Variants in CAMK1G observed in about 807,000 individuals in gnomAD.
CAMK1G encodes the protein calcium/calmodulin dependent protein kinase IG.
In CAMK1G, 27 loss-of-function variants were observed where a neutral mutation model predicts 54.8. The ratio of observed to expected loss-of-function variants is 0.49; its 90% CI spans 0.36 to 0.68. The LOEUF (loss-of-function observed/expected upper bound fraction) is 0.68. CAMK1G is among the 30% of genes least tolerant of loss of function. The pLI, the probability that CAMK1G is intolerant of heterozygous loss-of-function variation, is 0.00. For synonymous variants in CAMK1G, 238 were observed against 224.9 expected (o/e 1.06, Z -0.52); for missense variants, 512 against 591.0 (o/e 0.87, Z 1.39).
At chr1:209,590,730 G>C (rs1221860241) in intron 1 of CAMK1G, among the ~76,000 whole-genome samples, 2 of 152,032 alleles carry the variant, frequency 1.3e-5, no homozygotes, top group African/African-American at 4.8e-5. Flanking sequence ...TCTGTGGAGA[G>C]GGGAGAGAGC....
chr1:209,595,207 G>A, intron 2 of CAMK1G, 132 bp downstream of exon 2: 1 of 653,686 alleles, frequency 1.5e-6, no homozygotes, highest in Admixed American at 2.8e-5. Flanking sequence ...TTATTTAAGG[G>A]ACTTAGGGAG....
intron 3 of CAMK1G, 60 bp from the exon 4 acceptor site, chr1:209,603,154 C>A: frequency 6.4e-7 from 1 of 1,564,692 alleles, no homozygotes; most frequent in Non-Finnish European, 8.8e-7. Context: ...GCTAGGTCTG[C>A]ATTATTTGTC....
intron 2 of CAMK1G, among the ~76,000 whole-genome samples, chr1:209,596,018 G>T (rs1018006631): frequency 6.6e-6 from 1 of 152,246 alleles, no homozygotes; most frequent in Non-Finnish European, 1.5e-5. Flanking sequence ...GGCCTGGGCA[G>T]TGAAGAGCAG....
intron 1 of CAMK1G, among the ~76,000 whole-genome samples, chr1:209,586,969 G>A (rs373339001): frequency 2.6e-5 from 4 of 152,042 alleles, no homozygotes; most frequent in Non-Finnish European, 4.4e-5. Flanking sequence ...GTAGGTTTGC[G>A]CCTTAAATAA....
rs533856573 is a variant in CAMK1G, at chr1:209,611,249, C to G, written c.828-216C>G. Among the ~76,000 whole-genome samples the G allele has an allele frequency of 2.0e-5, 3 of 152,330 alleles. No individual in the cohort carries two copies. The East Asian group carries it at 5.8e-4, about 29-fold the overall frequency. On this transcript the variant is annotated intron_variant, in intron 9 of 12. Transcript: ENST00000361322. ...GGCCTATAGGCTATAGCTTGTTGAC[C>G]TTGCTCTAAAAGTTTTTGATTTTGC...
chr1:209,604,447 G>A (rs150846671), intron 4 of CAMK1G, among the ~76,000 whole-genome samples: 329 of 152,322 alleles, frequency 2.2e-3, no homozygotes, highest in African/African-American at 7.3e-3. Flanking sequence ...AGAATTCATA[G>A]CTCTGTACAA....
intron 1 of CAMK1G, among the ~76,000 whole-genome samples, chr1:209,587,234 T>C (rs1470254548): frequency 6.6e-6 from 1 of 151,982 alleles, no homozygotes; most frequent in African/African-American, 2.4e-5. Context: ...GGCCCAGCCA[T>C]TCACCTATGA....
chr1:209,603,772 T>C (rs1309653080), intron 4 of CAMK1G, among the ~76,000 whole-genome samples: 12 of 152,322 alleles, frequency 7.9e-5, no homozygotes, highest in Middle Eastern at 3.4e-3. Flanking sequence ...ATAAAATTAC[T>C]GTAGGAGCAG....
intron 1 of CAMK1G, among the ~76,000 whole-genome samples, chr1:209,585,912 C>T (rs1665088143): frequency 6.6e-6 from 1 of 152,236 alleles, no homozygotes; most frequent in South Asian, 2.1e-4. Context: ...ACTGCAGGCG[C>T]GCCGCCACGG....
intron 1 of CAMK1G, among the ~76,000 whole-genome samples, chr1:209,592,962 T>A (rs1401913226): frequency 3.9e-5 from 6 of 152,132 alleles, no homozygotes; most frequent in African/African-American, 1.4e-4. Context: ...TTATCTCTGT[T>A]ACAACTGTTT....
chr1:209,604,999 G>T (rs890188713), intron 4 of CAMK1G, among the ~76,000 whole-genome samples: 1 of 152,072 alleles, frequency 6.6e-6, no homozygotes, highest in Non-Finnish European at 1.5e-5. Flanking sequence ...AAGCTCCCCT[G>T]GGTCCTAAGA....
At chr1:209,612,325 A>G (rs1665804046) in intron 11 of CAMK1G, 109 bp downstream of exon 11, 1 of 1,187,808 alleles carries the variant, frequency 8.4e-7, no homozygotes, top group East Asian at 2.5e-5. Context: ...AGGCAGCTAT[A>G]TAGGGAGGGA....
At chr1:209,595,824 C>T (rs115183048) in intron 2 of CAMK1G, among the ~76,000 whole-genome samples, 2,066 of 152,278 alleles carry the variant, frequency 0.014, 41 homozygotes, top group African/African-American at 0.045. Context: ...TCTGAACCTG[C>T]ACCTTGAAGA....
intron 3 of CAMK1G, among the ~76,000 whole-genome samples, chr1:209,601,330 G>A (rs1046318947): frequency 1.3e-5 from 2 of 152,184 alleles, no homozygotes; most frequent in African/African-American, 4.8e-5. Flanking sequence ...GTTGACTAGT[G>A]AAAGTATACA....
intron 1 of CAMK1G, among the ~76,000 whole-genome samples, chr1:209,584,838 A>G (rs57163675): frequency 1.2e-4 from 19 of 152,188 alleles, no homozygotes; most frequent in Non-Finnish European, 2.5e-4. Context: ...GCTTAACCAG[A>G]ACCAAAGATG....
At chr1:209,609,553 C>A (rs149957634) in intron 8 of CAMK1G, among the ~76,000 whole-genome samples, 13 of 152,180 alleles carry the variant, frequency 8.5e-5, no homozygotes, top group Non-Finnish European at 1.8e-4. Flanking sequence ...CAGCGCTGGC[C>A]CCTGTTTCAG....
rs554629153 is a variant in CAMK1G at position 209,592,518 on chromosome 1, G to A, written c.-29-2437G>A. 5.3e-5 allele frequency among the ~76,000 whole-genome samples: 8 copies of A among 152,072 alleles called. No individual in the cohort carries two copies. In the East Asian group the frequency reaches 9.7e-4, roughly 18 times the overall value. On this transcript the variant is annotated intron_variant, in intron 1 of 12. Transcript: ENST00000361322. The stretch of plus-strand genomic sequence containing the variant: ...ACTATCTCAACTCACCTCCTCCCTC[G>A]AGGCCTCCCCATGATTCCTCACTGC...
intron 3 of CAMK1G, among the ~76,000 whole-genome samples, chr1:209,601,045 G>A (rs967232345): frequency 2.6e-4 from 39 of 152,268 alleles, no homozygotes; most frequent in African/African-American, 9.1e-4. Context: ...CCATGATAAG[G>A]AATGTTGGCT....
At position 209,593,590 on chromosome 1, in the gene CAMK1G, C is replaced by A. The variant is rs1193741238; in HGVS notation, c.-29-1365C>A. On this transcript the variant is annotated intron_variant, in intron 1 of 12. Coordinates refer to ENST00000361322, the MANE Select transcript of CAMK1G (RefSeq NM_020439.3). ...TCAGTCAGGGCACCCCCCAACCAACCCCAGATGCTCCTGCCAGAAACATGG... is the reference window on the plus strand; with the variant it reads ...TCAGTCAGGGCACCCCCCAACCAACACCAGATGCTCCTGCCAGAAACATGG... 2.0e-5 allele frequency among the ~76,000 whole-genome samples: 3 copies of A among 152,194 alleles called. No homozygotes were observed. The East Asian group carries it at 5.8e-4, about 29-fold the overall frequency.
Sources: gnomAD v4.1 joint callset for allele counts (sites outside exome capture counted in the v4.1 genomes callset) on GRCh38, gnomAD v4.1.1 for gene constraint, MANE v1.5 for transcripts, NCBI Gene and HGNC (gene_info 2026-07-23, HGNC 2026-07-21) for gene names.